The following RPS6KA2 variants were observed in gnomAD, a reference collection of about 807,000 sequenced individuals.
RPS6KA2 encodes the protein ribosomal protein S6 kinase alpha-2.
RPS6KA2 carries 42 observed loss-of-function variants against 91.8 expected under a neutral mutation model. That is an observed-to-expected ratio of 0.46 (90% CI 0.36 to 0.59). The LOEUF is 0.59. Ranked by LOEUF, RPS6KA2 falls within the 20% of genes least tolerant of loss-of-function variation. RPS6KA2 has a pLI of 0.00. For synonymous variants in RPS6KA2, 414 were observed against 393.6 expected (o/e 1.05, Z -0.61); for missense variants, 798 against 978.5 (o/e 0.82, Z 2.46).
chr6:166,676,319 A>C (rs1027494001), intron 2 of RPS6KA2, among the ~76,000 whole-genome samples: 2 of 83,036 alleles, frequency 2.4e-5, no homozygotes, highest in African/African-American at 1.4e-4. Context: ...CTCTGTCTCA[A>C]AAAAAAAAAA....
intron 2 of RPS6KA2, among the ~76,000 whole-genome samples, chr6:166,674,665 A>G (rs776302425): frequency 2.0e-5 from 3 of 152,192 alleles, no homozygotes; most frequent in Non-Finnish European, 4.4e-5. Context: ...GATGATGAAG[A>G]CAGTGTTTTG....
At chr6:166,503,561 C>A (rs981250094) in intron 6 of RPS6KA2, among the ~76,000 whole-genome samples, 14 of 152,168 alleles carry the variant, frequency 9.2e-5, no homozygotes, top group Non-Finnish European at 1.6e-4. Context: ...CCCACCAGGC[C>A]ACAGGTGATG....
chr6:166,447,440 A>G (rs1027296207), intron 14 of RPS6KA2, among the ~76,000 whole-genome samples: 2 of 152,202 alleles, frequency 1.3e-5, no homozygotes, highest in African/African-American at 4.8e-5. Flanking sequence ...AAATTTGTCA[A>G]TAATCCATAA....
At chr6:166,489,676 C>G (rs767041437) in intron 9 of RPS6KA2, among the ~76,000 whole-genome samples, 4 of 152,044 alleles carry the variant, frequency 2.6e-5, no homozygotes, top group Non-Finnish European at 5.9e-5. Flanking sequence ...GTGTCTGCTG[C>G]AATTCAAGGT....
chr6:166,655,423 A>G (rs1478490895), intron 2 of RPS6KA2, among the ~76,000 whole-genome samples: 1 of 152,246 alleles, frequency 6.6e-6, no homozygotes, highest in Non-Finnish European at 1.5e-5. Context: ...TGTGCAAAGT[A>G]GTACAAACAG....
chr6:166,634,064 C>T (rs553362811), intron 2 of RPS6KA2, among the ~76,000 whole-genome samples: 23 of 152,228 alleles, frequency 1.5e-4, no homozygotes, highest in Non-Finnish European at 3.2e-4. Context: ...TGGGGTCAGG[C>T]AGAGGGAATG....
At chr6:166,654,884 C>A (rs563940473) in intron 2 of RPS6KA2, among the ~76,000 whole-genome samples, 1 of 152,138 alleles carries the variant, frequency 6.6e-6, no homozygotes, top group Admixed American at 6.5e-5. Context: ...CCTTTCCCAT[C>A]GTAATTAATA....
chr6:166,487,304 C>T (rs981530234), intron 10 of RPS6KA2, among the ~76,000 whole-genome samples: 2 of 152,268 alleles, frequency 1.3e-5, no homozygotes, highest in Admixed American at 6.5e-5. Context: ...GGCAGAACAC[C>T]CTGTGACATC....
intron 3 of RPS6KA2, among the ~76,000 whole-genome samples, chr6:166,522,547 C>T (rs185889542): frequency 4.7e-4 from 72 of 152,336 alleles, no homozygotes; most frequent in African/African-American, 1.7e-3. Context: ...GACACACTTT[C>T]GCCTGAGACT....
At chr6:166,525,537 G>A (rs907340010) in intron 3 of RPS6KA2, among the ~76,000 whole-genome samples, 4 of 152,104 alleles carry the variant, frequency 2.6e-5, no homozygotes, top group Non-Finnish European at 4.4e-5. Context: ...TGGAGCCGTC[G>A]GAAGCCATTA....
Position 166,510,389 on chromosome 6 carries a change from G to A in RPS6KA2, c.299-32C>T, listed in dbSNP as rs200769525. ...AGTAAAAAGATAAAGGCTTTCATGA[G>A]GCAGGAAATAAGAGTTCTGAGGAAC... On this transcript the variant is annotated intron_variant, in intron 3 of 20. Transcript: ENST00000265678. The A allele has an allele frequency of 1.7e-4, 245 of 1,436,712 alleles. 2 individuals are homozygous for A. In the East Asian group the frequency reaches 5.5e-3, roughly 32 times the overall value. The allele number at this position is 1,436,712 out of a possible 1,614,324, so 89.0% of individuals were successfully genotyped here.
intron 11 of RPS6KA2, among the ~76,000 whole-genome samples, chr6:166,468,234 G>C (rs150862668): frequency 6.6e-6 from 1 of 152,250 alleles, no homozygotes; most frequent in African/African-American, 2.4e-5. Flanking sequence ...AGCTAAGTAA[G>C]AGACTCCAAA....
In RPS6KA2 at chr6:166,849,296, C is replaced by T. The variant is rs112049609; in HGVS notation, c.123+8904G>A. ...GCCCCATGCCTCTGCTGGTATGGCC[C>T]ACGCAGAGCACTCCCTGTCACCCTA... On this transcript the variant is annotated intron_variant, in intron 2 of 21. Transcript: ENST00000503859. The surrounding 1 kb of genome is among the most constrained non-coding windows in gnomAD (Gnocchi z 4.9). Among the ~76,000 whole-genome samples the T allele has an allele frequency of 8.4e-4, 128 of 152,356 alleles. 1 individual carries two copies. Among genetic ancestry groups the T allele is most frequent in the Middle Eastern group, 6.8e-3 (2 of 294 alleles).
intron 2 of RPS6KA2, among the ~76,000 whole-genome samples, chr6:166,759,483 A>G (rs1282827328): frequency 5.3e-5 from 8 of 152,224 alleles, no homozygotes; most frequent in Admixed American, 3.3e-4. Flanking sequence ...CCAAAATAAT[A>G]ACACGGGGAG....
chr6:166,634,256 AGT>A (rs1442136473), intron 2 of RPS6KA2, among the ~76,000 whole-genome samples: 2 of 152,178 alleles, frequency 1.3e-5, no homozygotes, highest in Non-Finnish European at 2.9e-5. Context: ...AGCAAACCGC[AGT>A]GGCCACAGTG....
intron 3 of RPS6KA2, among the ~76,000 whole-genome samples, chr6:166,510,860 C>G (rs1782457879): frequency 6.6e-6 from 1 of 152,008 alleles, no homozygotes; most frequent in South Asian, 2.1e-4. Context: ...TTGTTTTGCT[C>G]CTAGAAGACA....
At chr6:166,811,676 A>C (rs16899512) in intron 2 of RPS6KA2, among the ~76,000 whole-genome samples, 7,285 of 152,306 alleles carry the variant, frequency 0.048, 607 homozygotes, top group African/African-American at 0.17. Flanking sequence ...AATTCTTCTT[A>C]ATCTTTTGAT....
intron 1 of RPS6KA2, among the ~76,000 whole-genome samples, chr6:166,605,388 G>A (rs898661088): frequency 6.6e-5 from 10 of 152,022 alleles, no homozygotes; most frequent in Admixed American, 2.0e-4. Context: ...CCTAAAATAC[G>A]AATGAGACTA....
rs550212155 is a variant in RPS6KA2, at chr6:166,433,488, C to G, written c.1333-998G>C. ...GCCCTTGCCGCCCCTGCTGTGGGGA[C>G]GGGACCAGTGGGAGGAGGGCACCAC... On this transcript the variant is annotated intron_variant, in intron 14 of 20. Transcript: ENST00000265678. This position sits in a 1 kb window ranked among gnomAD's most constrained non-coding sequence, Gnocchi z 4.4. Among the ~76,000 whole-genome samples the G allele has an allele frequency of 7.9e-5, 12 of 152,188 alleles. No homozygotes were observed. The highest frequency in any genetic ancestry group is 2.9e-4 in the African/African-American group (12 of 41,532).
Sources: allele counts gnomAD v4.1 joint callset (sites outside exome capture counted in the v4.1 genomes callset), GRCh38; gene constraint gnomAD v4.1.1; non-coding constraint Gnocchi (gnomAD v3.1); transcripts MANE v1.5; gene names NCBI Gene and HGNC (gene_info 2026-07-23, HGNC 2026-07-21).